The following TVP23C variants were observed in gnomAD, a reference collection of about 807,000 sequenced individuals.
The protein encoded by TVP23C is trans-golgi network vesicle protein 23 homolog C, also known as Golgi apparatus membrane protein TVP23 homolog C.
TVP23C carries 19 observed loss-of-function variants against 28.7 expected under a neutral mutation model. The ratio of observed to expected loss-of-function variants is 0.66; its 90% CI spans 0.46 to 0.97. TVP23C has a LOEUF of 0.97. Among genes scored for constraint, TVP23C ranks in the 50% least tolerant of loss-of-function variants. The pLI, the probability that TVP23C is intolerant of heterozygous loss-of-function variation, is 0.00. For missense variants in TVP23C, 186 were observed against 241.3 expected (o/e 0.77, Z 1.52); for synonymous variants, 68 against 81.7 (o/e 0.83, Z 0.90).
chr17:15,506,521 T>A (rs534169822), intron 5 of TVP23C, among the ~76,000 whole-genome samples: 18 of 152,182 alleles, frequency 1.2e-4, no homozygotes, highest in Non-Finnish European at 2.4e-4. Context: ...AATAAGAGAA[T>A]AAAAGCAGGC....
intron 5 of TVP23C, chr17:15,531,074 G>A (rs1982932814): frequency 6.6e-6 from 1 of 152,188 alleles, no homozygotes; most frequent in Admixed American, 6.5e-5. Flanking sequence ...AGTTTTGCTG[G>A]ATCTAAAATT....
At chr17:15,521,824 T>C (rs1407550515) in intron 5 of TVP23C, among the ~76,000 whole-genome samples, 2 of 152,212 alleles carry the variant, frequency 1.3e-5, no homozygotes, top group African/African-American at 2.4e-5. Flanking sequence ...CAGAGGTCTA[T>C]AAGTCACACA....
chr17:15,513,215 T>C (rs1273793063), intron 5 of TVP23C, among the ~76,000 whole-genome samples: 1 of 152,154 alleles, frequency 6.6e-6, no homozygotes, highest in African/African-American at 2.4e-5. Context: ...CAGACTCAAA[T>C]GGCAAGGAGC....
intron 5 of TVP23C, among the ~76,000 whole-genome samples, chr17:15,543,894 C>T (rs1269111088): frequency 2.0e-5 from 3 of 151,716 alleles, no homozygotes; most frequent in African/African-American, 4.9e-5. Context: ...CCAACATAAA[C>T]GTAACTGGTA....
intron 5 of TVP23C, among the ~76,000 whole-genome samples, chr17:15,522,958 CCAAA>C (rs1414102344): frequency 4.6e-5 from 7 of 151,986 alleles, no homozygotes; most frequent in South Asian, 2.1e-4. Context: ...AAAGAACAAA[CCAAA>C]CAAACAAAAA....
At chr17:15,534,600 CA>C, downstream of TVP23C, among the ~76,000 whole-genome samples, 1 of 148,452 alleles carries the variant, frequency 6.7e-6, no homozygotes, top group African/African-American at 2.5e-5. Flanking sequence ...CACACACACA[CA>C]CACACACACA....
chr17:15,549,083 G>C (rs1983775399), intron 3 of TVP23C, among the ~76,000 whole-genome samples: 1 of 152,040 alleles, frequency 6.6e-6, no homozygotes, highest in Admixed American at 6.5e-5. Flanking sequence ...TTCAATATAA[G>C]TGACTTCCTT....
chr17:15,534,588 C>T (rs1468474464), downstream of TVP23C, among the ~76,000 whole-genome samples: 2 of 143,980 alleles, frequency 1.4e-5, no homozygotes, highest in Admixed American at 6.8e-5. Context: ...TACACACACA[C>T]ACACACACAC....
intron 1 of TVP23C, among the ~76,000 whole-genome samples, chr17:15,557,290 G>GTTT (rs761887271): frequency 1.4e-4 from 17 of 123,916 alleles, no homozygotes; most frequent in East Asian, 2.5e-4. Flanking sequence ...AGAAGACAAG[G>GTTT]TTTTTTTTTT....
At position 15,538,998 on chromosome 17, in the gene TVP23C, G is replaced by A. The variant is rs1488937729; in HGVS notation, c.*1414C>T. The A allele has an allele frequency of 3.0e-6, 3 of 985,404 alleles. No homozygotes were observed. Among genetic ancestry groups the A allele is most frequent in the African/African-American group, 1.7e-5 (1 of 57,180 alleles). 61.0% of individuals were successfully genotyped at this position (985,404 alleles called of 1,614,324 possible). A position where few individuals can be genotyped will look rare whatever the true frequency, so the allele number is the denominator to read the frequency against. ...GAACAATAAATTTTGAGTACAGAGG[G>A]CTGGGTTTAAGATCTAGCTTTGTAC... On this transcript the variant is annotated 3_prime_UTR_variant, in exon 6 of 6. Coordinates refer to ENST00000518321, the MANE Select transcript of TVP23C (RefSeq NM_001135036.2).
rs1455330686 is a variant in TVP23C, at chr17:15,538,500, G to GA, written c.*1911dup. 1.3e-6 allele frequency: 1 copy of GA among 761,762 alleles called. No individual in the cohort carries two copies. Among genetic ancestry groups the GA allele is most frequent in the African/African-American group, 1.9e-5 (1 of 52,800 alleles). The allele number at this position is 761,762 out of a possible 1,614,324, so 47.2% of individuals were successfully genotyped here. On this transcript the variant is annotated 3_prime_UTR_variant, in exon 6 of 6. Transcript: ENST00000518321. ...AGCTACTCGGGAGGCTGAGGCAGAA[G>GA]AATAGTATGAACCCGGGAGGTGGAG... is the stretch of plus-strand genomic sequence containing the variant.
At chr17:15,517,467 T>C (rs1982278571) in intron 5 of TVP23C, among the ~76,000 whole-genome samples, 1 of 152,172 alleles carries the variant, frequency 6.6e-6, no homozygotes, top group Non-Finnish European at 1.5e-5. Flanking sequence ...CCTCCCTGAG[T>C]AGAATTAGCT....
intron 5 of TVP23C, among the ~76,000 whole-genome samples, chr17:15,540,987 A>C (rs1329982178): frequency 1.3e-5 from 2 of 152,242 alleles, no homozygotes; most frequent in Non-Finnish European, 2.9e-5. Context: ...CAATAAACTG[A>C]GAGCAGGTAG....
At chr17:15,529,945 C>G (rs1982885879) in intron 5 of TVP23C, among the ~76,000 whole-genome samples, 2 of 151,922 alleles carry the variant, frequency 1.3e-5, no homozygotes, top group Non-Finnish European at 2.9e-5. Flanking sequence ...ATTACAGGTG[C>G]CCACCACCAC....
rs374130724 is a variant in TVP23C, at chr17:15,548,642, T to C, written c.241-1494A>G. Among the ~76,000 whole-genome samples, 271 of 152,338 alleles carry C rather than the reference T, an allele frequency of 1.8e-3. 1 individual carries two copies. Among genetic ancestry groups the C allele is most frequent in the Middle Eastern group, 0.01 (3 of 294 alleles). On this transcript the variant is annotated intron_variant, in intron 3 of 5. Coordinates refer to ENST00000518321, the MANE Select transcript of TVP23C (RefSeq NM_001135036.2). Reference sequence around the variant, plus strand: ...TGCAGTTATCTTAACATATTGTTTATGCTCACCACTGCTTTGAAAGTAGTT... The same window carrying C: ...TGCAGTTATCTTAACATATTGTTTACGCTCACCACTGCTTTGAAAGTAGTT...
At position 15,540,147 on chromosome 17, in the gene TVP23C, G is replaced by C. The variant is rs1983349941; in HGVS notation, c.*265C>G. 1.6e-6 allele frequency: 2 copies of C among 1,254,282 alleles called. No homozygotes were observed. Among genetic ancestry groups the C allele is most frequent in the Non-Finnish European group, 2.0e-6 (2 of 999,998 alleles). The allele number at this position is 1,254,282 out of a possible 1,614,324, so 77.7% of individuals were successfully genotyped here. A position where few individuals can be genotyped will look rare whatever the true frequency, so the allele number is the denominator to read the frequency against. On this transcript the variant is annotated 3_prime_UTR_variant, in exon 6 of 6. Coordinates refer to ENST00000518321, the MANE Select transcript of TVP23C (RefSeq NM_001135036.2). ...CATTCTGCAAGGGCATTCACTTAAA[G>C]CTCCCATAATTGATGAAAAACAACT... is the stretch of plus-strand genomic sequence containing the variant.
intron 5 of TVP23C, among the ~76,000 whole-genome samples, chr17:15,518,717 G>A (rs1296749137): frequency 6.9e-6 from 1 of 145,890 alleles, no homozygotes; most frequent in Non-Finnish European, 1.5e-5. Context: ...ACTGGGCTCA[G>A]TAGAGAAGAG....
chr17:15,524,293 C>T (rs1442245549), intron 5 of TVP23C, among the ~76,000 whole-genome samples: 3 of 152,072 alleles, frequency 2.0e-5, no homozygotes, highest in East Asian at 1.9e-4. Flanking sequence ...CATTTTGCCT[C>T]CCCCTACTCC....
intron 5 of TVP23C, among the ~76,000 whole-genome samples, chr17:15,505,121 T>C (rs1471648209): frequency 6.6e-6 from 1 of 152,172 alleles, no homozygotes; most frequent in Non-Finnish European, 1.5e-5. Flanking sequence ...GGGGCTATAG[T>C]CCTAGACATT....
Sources: allele counts gnomAD v4.1 joint callset (sites outside exome capture counted in the v4.1 genomes callset), GRCh38; gene constraint gnomAD v4.1.1; transcripts MANE v1.5; gene names NCBI Gene and HGNC (gene_info 2026-07-23, HGNC 2026-07-21).